The following EIF2S1 variants were observed in gnomAD, a reference collection of about 807,000 sequenced individuals.
EIF2S1 encodes the protein eukaryotic translation initiation factor 2 subunit alpha.
A neutral mutation model predicts 33.5 loss-of-function variants in EIF2S1; 5 were observed. That is an observed-to-expected ratio of 0.15 (90% confidence interval 0.08 to 0.31). The LOEUF is 0.31. EIF2S1 is among the 10% of genes least tolerant of loss of function. EIF2S1 has a pLI of 1.00. For synonymous variants in EIF2S1, 99 were observed against 127.5 expected (o/e 0.78, Z 1.51); for missense variants, 191 against 384.6 (o/e 0.50, Z 4.21).
At chr14:67,361,973 C>G (rs901754304) in intron 1 of EIF2S1, among the ~76,000 whole-genome samples, 6 of 150,686 alleles carry the variant, frequency 4.0e-5, no homozygotes, top group South Asian at 4.3e-4. Flanking sequence ...TAGTTTGTTT[C>G]CCACTCTATA....
In EIF2S1 at chr14:67,386,038, C is replaced by G. The variant is rs554172718; in HGVS notation, c.*2598C>G. 1 of 152,340 alleles carries G rather than the reference C, an allele frequency of 6.6e-6. No homozygotes were observed. The highest frequency in any genetic ancestry group is 2.4e-5 in the African/African-American group (1 of 41,542). The allele number at this position is 152,340 out of a possible 1,614,324, so 9.4% of individuals were successfully genotyped here. ...CCCAAGGTAATGGTCATCTACTTTG[C>G]AACCTATGGAGATCCTGATAGCTCC... is the stretch of plus-strand genomic sequence containing the variant. On this transcript the variant is annotated 3_prime_UTR_variant, in exon 8 of 8. Transcript: ENST00000256383.
intron 2 of EIF2S1, among the ~76,000 whole-genome samples, chr14:67,372,728 T>G (rs2085830903): frequency 6.6e-6 from 1 of 151,746 alleles, no homozygotes; most frequent in Admixed American, 6.6e-5. Flanking sequence ...CTCAAGAGGC[T>G]GAGGCAGGAG....
Position 67,383,513 on chromosome 14 carries a change from G to A in EIF2S1, c.*73G>A, listed in dbSNP as rs1467629867. On this transcript the variant is annotated 3_prime_UTR_variant, in exon 8 of 8. Transcript: ENST00000256383. Reference sequence around the variant, plus strand: ...CTGGCTGTAAATCCTAGACTTGAAAGTTTTCCAGTATTGAAAACTTCAAAG... The same window carrying A: ...CTGGCTGTAAATCCTAGACTTGAAAATTTTCCAGTATTGAAAACTTCAAAG... The A allele has an allele frequency of 2.5e-6, 4 of 1,586,932 alleles. No individual in the cohort carries two copies. The highest frequency in any genetic ancestry group is 3.4e-6 in the Non-Finnish European group (4 of 1,163,428).
chr14:67,361,255 C>T (rs1036685691), intron 1 of EIF2S1, among the ~76,000 whole-genome samples: 7 of 152,268 alleles, frequency 4.6e-5, no homozygotes, highest in African/African-American at 1.7e-4. Flanking sequence ...AAAAGTATAG[C>T]AGAGAAGTCT....
intron 2 of EIF2S1, among the ~76,000 whole-genome samples, chr14:67,366,825 G>A (rs963052501): frequency 5.0e-5 from 7 of 139,284 alleles, no homozygotes; most frequent in Admixed American, 2.2e-4. Context: ...AAGGTGAGTC[G>A]ACACTTATAA....
chr14:67,362,006 T>TTTTTTTTTTTTCTTTTTTCTTTTTTC (rs1246770227), intron 1 of EIF2S1, among the ~76,000 whole-genome samples: 1 of 144,146 alleles, frequency 6.9e-6, no homozygotes, highest in Non-Finnish European at 1.5e-5. Context: ...GGTAAGAGTC[T>TTTTTTTTTTTTCTTTTTTCTTTTTTC]TTTTTTTTTT....
At chr14:67,370,969 C>T (rs1320694541) in intron 2 of EIF2S1, among the ~76,000 whole-genome samples, 1 of 151,796 alleles carries the variant, frequency 6.6e-6, no homozygotes, top group Non-Finnish European at 1.5e-5. Flanking sequence ...AACAAGTCTG[C>T]AGTAAGCCGA....
chr14:67,366,045 G>A (rs932458763), intron 2 of EIF2S1, among the ~76,000 whole-genome samples: 3 of 150,758 alleles, frequency 2.0e-5, no homozygotes, highest in South Asian at 4.2e-4. Flanking sequence ...TCACATCACT[G>A]TCCTAGTAGT....
chr14:67,374,625 T>A, intron 3 of EIF2S1, 78 bp downstream of exon 3: 1 of 937,774 alleles, frequency 1.1e-6, no homozygotes, highest in East Asian at 2.6e-5. Context: ...TTCATACTGC[T>A]ACTACCTTAA....
At chr14:67,380,361 T>C (rs2085881479) in intron 4 of EIF2S1, among the ~76,000 whole-genome samples, 1 of 152,180 alleles carries the variant, frequency 6.6e-6, no homozygotes, top group Non-Finnish European at 1.5e-5. Context: ...TATAAACTCC[T>C]TGAGGCAGGG....
intron 5 of EIF2S1, 87 bp from the exon 6 acceptor site, chr14:67,381,506 T>C: frequency 1.0e-6 from 1 of 1,002,670 alleles, no homozygotes; most frequent in East Asian, 2.4e-5. Flanking sequence ...ATTTGAATAC[T>C]AATATATCTG....
At chr14:67,375,402 G>A (rs530021680) in intron 3 of EIF2S1, among the ~76,000 whole-genome samples, 30 of 152,168 alleles carry the variant, frequency 2.0e-4, no homozygotes, top group Middle Eastern at 3.4e-3. Context: ...GATTACAGGC[G>A]TAAGCCAGTG....
At position 67,384,672 on chromosome 14, in the gene EIF2S1, T is replaced by C. The variant is rs749449805; in HGVS notation, c.*1232T>C. On this transcript the variant is annotated 3_prime_UTR_variant, in exon 8 of 8. Transcript: ENST00000256383. The stretch of plus-strand genomic sequence containing the variant: ...AAAGGGTCTGGAAAATAGAAGAGTG[T>C]GTTGGGCAGGTAGTTTGTACCATTT... 2.0e-5 allele frequency: 3 copies of C among 152,190 alleles called. No individual in the cohort carries two copies. Among genetic ancestry groups the C allele is most frequent in the Non-Finnish European group, 2.9e-5 (2 of 68,032 alleles). 9.4% of individuals were successfully genotyped at this position (152,190 alleles called of 1,614,324 possible). A position where few individuals can be genotyped will look rare whatever the true frequency, so the allele number is the denominator to read the frequency against.
At chr14:67,378,087 C>T (rs2085866800) in intron 4 of EIF2S1, among the ~76,000 whole-genome samples, 1 of 151,390 alleles carries the variant, frequency 6.6e-6, no homozygotes. Context: ...TGCACCACTG[C>T]ACTCTAGTCT....
intron 2 of EIF2S1, among the ~76,000 whole-genome samples, chr14:67,371,194 C>T (rs1019612427): frequency 1.3e-5 from 2 of 151,740 alleles, no homozygotes; most frequent in Non-Finnish European, 2.9e-5. Context: ...ACAGGAGGAT[C>T]GCTTGAGGTC....
chr14:67,382,397 G>T (rs1432631700), intron 6 of EIF2S1, 50 bp from the exon 7 acceptor site: 3 of 1,520,496 alleles, frequency 2.0e-6, no homozygotes, highest in African/African-American at 1.4e-5. Context: ...CCTAATAGTT[G>T]TGGGTTCTGT....
chr14:67,371,800 A>G (rs751212155), intron 2 of EIF2S1, among the ~76,000 whole-genome samples: 6 of 152,258 alleles, frequency 3.9e-5, no homozygotes, highest in African/African-American at 9.6e-5. Context: ...CATAACCCTG[A>G]TAAGAAAACC....
Position 67,383,643 on chromosome 14 carries a change from G to A in EIF2S1, c.*203G>A. 1 of 605,424 alleles carries A rather than the reference G, an allele frequency of 1.7e-6. No individual in the cohort carries two copies. The highest frequency in any genetic ancestry group is 2.8e-6 in the Non-Finnish European group (1 of 360,792). The allele number at this position is 605,424 out of a possible 1,614,324, so 37.5% of individuals were successfully genotyped here. ...TCACACAGTAGCTCCAACACTTTGAGCATTTTTAAGGGAGTGGCCTCATTT... is the reference window on the plus strand; with the variant it reads ...TCACACAGTAGCTCCAACACTTTGAACATTTTTAAGGGAGTGGCCTCATTT... On this transcript the variant is annotated 3_prime_UTR_variant, in exon 8 of 8. Coordinates refer to ENST00000256383, the MANE Select transcript of EIF2S1 (RefSeq NM_004094.5).
At chr14:67,360,546 A>C (rs1298466306) in intron 1 of EIF2S1, 90 bp downstream of exon 1, 1 of 241,630 alleles carries the variant, frequency 4.1e-6, no homozygotes, top group African/African-American at 2.2e-5. Flanking sequence ...GCCCCGGGCT[A>C]ATACCTCCCT....
Sources: gnomAD v4.1 joint callset for allele counts (sites outside exome capture counted in the v4.1 genomes callset) on GRCh38, gnomAD v4.1.1 for gene constraint, MANE v1.5 for transcripts, NCBI Gene and HGNC (gene_info 2026-07-23, HGNC 2026-07-21) for gene names.